HHAT: variants seen among roughly 807,000 people sequenced by gnomAD.
The protein encoded by HHAT is protein-cysteine N-palmitoyltransferase HHAT.
A neutral mutation model predicts 70.8 loss-of-function variants in HHAT; 47 were observed. The observed-to-expected ratio is 0.66, with a 90% CI of 0.53 to 0.85. The LOEUF (loss-of-function observed/expected upper bound fraction) is 0.85, where lower values mean the gene tolerates loss of function less well. Ranked by LOEUF, HHAT falls within the 40% of genes least tolerant of loss-of-function variation. The probability of loss-of-function intolerance (pLI) is 0.00; values close to 1 mark genes in which losing one functional copy is unlikely to be tolerated. For missense variants in HHAT, 609 were observed against 604.8 expected, an observed-to-expected ratio of 1.01 and a Z score of -0.07; for synonymous variants, 228 against 247.6, an observed-to-expected ratio of 0.92 and a Z score of 0.74.
Position 210,464,600 on chromosome 1 carries a change from C to G in HHAT, c.952C>G (p.Pro318Ala). The G allele has an allele frequency of 6.2e-7, 1 of 1,614,072 alleles. No homozygotes were observed. The highest frequency in any genetic ancestry group is 1.1e-5 in the South Asian group (1 of 91,072). The change falls in exon 8 of 12, where the codon CCA becomes GCA. Residue 318 changes from proline (P) to alanine (A), a missense_variant. Physicochemically the swap from Pro to Ala is conservative, Grantham distance 27. Transcript: ENST00000261458. ...GCTCATGCGCCTGGATGGACTCACT[C>G]CACCCGCCCTCCCCCGCTGCGTGAG... ...ALLMRLDGLT[P>A]PALPRCVSTM...
At chr1:210,660,594 C>T (rs1677469653) in intron 11 of HHAT, among the ~76,000 whole-genome samples, 1 of 152,120 alleles carries the variant, frequency 6.6e-6, no homozygotes, top group East Asian at 1.9e-4. Flanking sequence ...CAAAAAAGAA[C>T]CCTCATTGCC....
chr1:210,410,447 GTTT>G (rs34599460), intron 6 of HHAT, among the ~76,000 whole-genome samples: 2 of 119,398 alleles, frequency 1.7e-5, no homozygotes, highest in African/African-American at 3.0e-5. Flanking sequence ...AAAACCTTTT[GTTT>G]TTTTTTTTTT....
intron 11 of HHAT, among the ~76,000 whole-genome samples, chr1:210,649,343 T>C (rs536424426): frequency 1.3e-5 from 2 of 152,330 alleles, no homozygotes; most frequent in South Asian, 4.1e-4. Flanking sequence ...CCACGGGAAA[T>C]TGGCATGGCT....
At chr1:210,463,332 C>A (rs2094020353) in intron 7 of HHAT, among the ~76,000 whole-genome samples, 1 of 152,136 alleles carries the variant, frequency 6.6e-6, no homozygotes, top group African/African-American at 2.4e-5. Flanking sequence ...GCCCTCTCTC[C>A]CCAAGAAACC....
At chr1:210,450,006 G>C (rs1452247853) in intron 7 of HHAT, among the ~76,000 whole-genome samples, 1 of 152,084 alleles carries the variant, frequency 6.6e-6, no homozygotes, top group Non-Finnish European at 1.5e-5. Context: ...TCAACAGTGA[G>C]AATATGGGCT....
chr1:210,485,755 A>T (rs532088296), intron 8 of HHAT, among the ~76,000 whole-genome samples: 14 of 152,244 alleles, frequency 9.2e-5, no homozygotes, highest in Admixed American at 3.3e-4. Context: ...CGTGAGACTC[A>T]GTCACCACCA....
intron 8 of HHAT, among the ~76,000 whole-genome samples, chr1:210,493,622 A>C (rs1558018371): frequency 6.6e-6 from 1 of 152,192 alleles, no homozygotes; most frequent in Non-Finnish European, 1.5e-5. Context: ...CCAGGTCTGG[A>C]GTATGAGAGA....
chr1:210,376,416 A>G (rs1416140298), intron 3 of HHAT, among the ~76,000 whole-genome samples: 1 of 152,196 alleles, frequency 6.6e-6, no homozygotes, highest in Admixed American at 6.5e-5. Flanking sequence ...GTGGAGGGAT[A>G]GGGATAAATG....
chr1:210,572,301 C>A (rs1656493787), intron 9 of HHAT, among the ~76,000 whole-genome samples: 1 of 152,204 alleles, frequency 6.6e-6, no homozygotes, highest in Non-Finnish European at 1.5e-5. Flanking sequence ...TCATTACCAC[C>A]AGCAGTCATT....
Position 210,565,857 on chromosome 1 carries a change from C to T in HHAT, c.1044-22041C>T, listed in dbSNP as rs567393838. On this transcript the variant is annotated intron_variant, in intron 9 of 11. Coordinates refer to ENST00000261458, the MANE Select transcript of HHAT (RefSeq NM_018194.6). ...GTTTCACAAGCTGAGATCTCCTGGC[C>T]GCTAAGAGCGTGGAGGTATAGGCTG... Among the ~76,000 whole-genome samples, 26 of 152,252 alleles carry T rather than the reference C, an allele frequency of 1.7e-4. No homozygotes were observed. The South Asian group carries it at 4.6e-3, about 27-fold the overall frequency.
At position 210,380,917 on chromosome 1, in the gene HHAT, G is replaced by A. The variant is rs116122044; in HGVS notation, c.160-6551G>A. On this transcript the variant is annotated intron_variant, in intron 3 of 11. Coordinates refer to ENST00000261458, the MANE Select transcript of HHAT (RefSeq NM_018194.6). ...GGACAGGGCCATTTTATGAAGAACT[G>A]CATGAGTCTCACTGAGAAGTTTCTC... Among the ~76,000 whole-genome samples, 596 of 152,174 alleles carry A rather than the reference G, an allele frequency of 3.9e-3. 2 individuals are homozygous for A. Among genetic ancestry groups the A allele is most frequent in the African/African-American group, 0.014 (564 of 41,516 alleles).
chr1:210,362,999 T>C, intron 3 of HHAT, 80 bp downstream of exon 3: 2 of 1,189,308 alleles, frequency 1.7e-6, no homozygotes, highest in Admixed American at 3.4e-5. Context: ...TTGGAGTCGA[T>C]CCAGGTATCA....
chr1:210,368,899 G>A (rs1031738337), intron 3 of HHAT, among the ~76,000 whole-genome samples: 4 of 152,068 alleles, frequency 2.6e-5, no homozygotes, highest in African/African-American at 9.7e-5. Flanking sequence ...CCAACATGGT[G>A]AAACTCCGTC....
intron 6 of HHAT, among the ~76,000 whole-genome samples, chr1:210,406,406 T>A (rs2092332206): frequency 6.6e-6 from 1 of 151,900 alleles, no homozygotes; most frequent in African/African-American, 2.4e-5. Context: ...TCTTCTTTTT[T>A]TTTTTGAGAC....
chr1:210,542,947 C>G (rs2095445355), intron 9 of HHAT, among the ~76,000 whole-genome samples: 1 of 152,140 alleles, frequency 6.6e-6, no homozygotes, highest in Admixed American at 6.5e-5. Context: ...AGGGGCTGAT[C>G]TCAGAGCTGT....
intron 8 of HHAT, among the ~76,000 whole-genome samples, chr1:210,491,261 G>C (rs912974417): frequency 6.6e-6 from 1 of 152,090 alleles, no homozygotes; most frequent in Non-Finnish European, 1.5e-5. Flanking sequence ...TCACTCTTGA[G>C]CCCTCTCCCT....
At chr1:210,631,146 G>A (rs572957996) in intron 11 of HHAT, 102 of 455,614 alleles carry the variant, frequency 2.2e-4, no homozygotes, top group Non-Finnish European at 4.0e-4. Context: ...AAACACCTCC[G>A]AATTGTCCAG....
chr1:210,435,980 T>C (rs2093365913), intron 7 of HHAT, among the ~76,000 whole-genome samples: 1 of 151,870 alleles, frequency 6.6e-6, no homozygotes, highest in Admixed American at 6.6e-5. Context: ...AATCCATTTA[T>C]CTATTTTTCC....
At chr1:210,500,550 T>A (rs2094733604) in intron 8 of HHAT, among the ~76,000 whole-genome samples, 1 of 152,150 alleles carries the variant, frequency 6.6e-6, no homozygotes, top group South Asian at 2.1e-4. Flanking sequence ...TGTCTGTACG[T>A]AATTTTTGGG....
Sources: gnomAD v4.1 joint callset for allele counts (sites outside exome capture counted in the v4.1 genomes callset) on GRCh38, gnomAD v4.1.1 for gene constraint, MANE v1.5 for transcripts, NCBI Gene and HGNC (gene_info 2026-07-23, HGNC 2026-07-21) for gene names.